Variants in B3GLCT observed in about 807,000 individuals in gnomAD.
B3GLCT encodes beta 3-glucosyltransferase, also known as beta-1,3-glucosyltransferase.
Under a neutral mutation model 63.4 loss-of-function variants are expected in B3GLCT, and 65 were observed. The ratio of observed to expected loss-of-function variants is 1.03; its 90% CI spans 0.84 to 1.26. The LOEUF is 1.26. B3GLCT is among the 50% of genes most tolerant of loss of function. The probability of loss-of-function intolerance (pLI) is 0.00; values close to 1 mark genes in which losing one functional copy is unlikely to be tolerated. For missense variants in B3GLCT, 577 were observed against 604.8 expected (o/e 0.95, Z 0.48); for synonymous variants, 233 against 219.2 (o/e 1.06, Z -0.55).
intron 12 of B3GLCT, among the ~76,000 whole-genome samples, chr13:31,300,314 G>A (rs983363699): frequency 2.0e-5 from 3 of 152,104 alleles, no homozygotes; most frequent in African/African-American, 7.2e-5. Flanking sequence ...TTACTAAAGT[G>A]TTCCTCTGAC....
intron 1 of B3GLCT, among the ~76,000 whole-genome samples, chr13:31,209,025 A>G (rs1483626977): frequency 1.3e-5 from 2 of 152,104 alleles, no homozygotes; most frequent in African/African-American, 4.8e-5. Context: ...TATTTCTGCC[A>G]CCAAGTGTGT....
chr13:31,301,421 A>G (rs1350360073), intron 12 of B3GLCT, among the ~76,000 whole-genome samples: 1 of 152,232 alleles, frequency 6.6e-6, no homozygotes, highest in Non-Finnish European at 1.5e-5. Flanking sequence ...GTTTTACAGT[A>G]CTGGATAGGG....
chr13:31,206,394 G>C (rs557398111), intron 1 of B3GLCT, among the ~76,000 whole-genome samples: 1 of 152,116 alleles, frequency 6.6e-6, no homozygotes, highest in Admixed American at 6.5e-5. Context: ...CCATAGGCCC[G>C]GATATAAACT....
chr13:31,266,023 G>A (rs900341542), intron 7 of B3GLCT, among the ~76,000 whole-genome samples: 21 of 151,294 alleles, frequency 1.4e-4, no homozygotes, highest in Non-Finnish European at 3.1e-4. Context: ...TTTTTGAAAC[G>A]GAGTCTCGCT....
chr13:31,297,538 G>T (rs1360135077), intron 12 of B3GLCT, among the ~76,000 whole-genome samples: 5 of 152,256 alleles, frequency 3.3e-5, no homozygotes, highest in Admixed American at 3.3e-4. Context: ...GACCAAAAGT[G>T]TGGAGCAGGG....
intron 6 of B3GLCT, 98 bp from the exon 7 acceptor site, chr13:31,260,848 C>G (rs191623452): frequency 1.7e-6 from 2 of 1,177,556 alleles, no homozygotes; most frequent in East Asian, 4.8e-5. Flanking sequence ...CTTTATCACC[C>G]AAAATATTTA....
At chr13:31,310,296 C>T (rs951760392) in intron 12 of B3GLCT, among the ~76,000 whole-genome samples, 4 of 152,178 alleles carry the variant, frequency 2.6e-5, no homozygotes, top group African/African-American at 9.7e-5. Flanking sequence ...GAGAGCTGTT[C>T]TTGCATTGAA....
intron 4 of B3GLCT, among the ~76,000 whole-genome samples, chr13:31,238,864 A>C (rs1870787673): frequency 6.6e-6 from 1 of 152,232 alleles, no homozygotes; most frequent in Admixed American, 6.5e-5. Flanking sequence ...ATCTGTAGAC[A>C]ACACATGGGG....
At chr13:31,254,961 C>T (rs560811495) in intron 6 of B3GLCT, among the ~76,000 whole-genome samples, 7 of 149,506 alleles carry the variant, frequency 4.7e-5, no homozygotes, top group East Asian at 4.0e-4. Flanking sequence ...CGCTTGAAGC[C>T]GGGAGGCGGA....
At position 31,274,491 on chromosome 13, in the gene B3GLCT, T is replaced by A. The variant is rs368483247; in HGVS notation, c.661-18T>A. 6 of 1,614,068 alleles carry A rather than the reference T, an allele frequency of 3.7e-6. No homozygotes were observed. The Admixed American group carries it at 5.0e-5, about 13-fold the overall frequency. On this transcript the variant is annotated intron_variant, in intron 8 of 14. Transcript: ENST00000343307. The stretch of plus-strand genomic sequence containing the variant: ...GACTGAGTTCTTTCATCACTGCCTG[T>A]CTCCTGTCTCGTGGCAGATTGCCCT...
At position 31,205,578 on chromosome 13, in the gene B3GLCT, C is replaced by T. The variant is rs1033562105; in HGVS notation, c.70+5424C>T. The stretch of plus-strand genomic sequence containing the variant: ...CGTCTAAAAGAAAAAAAAAAGTTGG[C>T]GGGTCTGGCTATATTGCCCAGGCTG... On this transcript the variant is annotated intron_variant, in intron 1 of 14. Coordinates refer to ENST00000343307, the MANE Select transcript of B3GLCT (RefSeq NM_194318.4). 1.1e-4 allele frequency among the ~76,000 whole-genome samples: 16 copies of T among 151,932 alleles called. No homozygotes were observed. In the East Asian group the frequency reaches 1.7e-3, roughly 17 times the overall value.
intron 9 of B3GLCT, among the ~76,000 whole-genome samples, chr13:31,275,984 A>G (rs1482635879): frequency 1.3e-5 from 2 of 152,160 alleles, no homozygotes; most frequent in Admixed American, 6.5e-5. Flanking sequence ...CCCAAATTAT[A>G]CAGGAGTCAT....
At chr13:31,320,654 A>G (rs1331741688) in intron 13 of B3GLCT, among the ~76,000 whole-genome samples, 12 of 152,172 alleles carry the variant, frequency 7.9e-5, no homozygotes, top group African/African-American at 2.7e-4. Context: ...TGCCTTTAGG[A>G]TCAAGTCTGC....
intron 14 of B3GLCT, among the ~76,000 whole-genome samples, chr13:31,325,384 AGG>A (rs1271907124): frequency 1.3e-5 from 2 of 152,212 alleles, no homozygotes; most frequent in East Asian, 3.9e-4. Flanking sequence ...ACGCAATAAA[AGG>A]GGTAATTAAA....
At chr13:31,322,355 C>G (rs957176048) in intron 13 of B3GLCT, among the ~76,000 whole-genome samples, 4 of 152,248 alleles carry the variant, frequency 2.6e-5, no homozygotes, top group Non-Finnish European at 5.9e-5. Context: ...GCACTGTGTT[C>G]TTGGGCAAGT....
chr13:31,315,312 T>C (rs1201439493), intron 12 of B3GLCT, among the ~76,000 whole-genome samples: 1 of 152,190 alleles, frequency 6.6e-6, no homozygotes. Context: ...TTTTGACCAA[T>C]GAAGTCCAGG....
Position 31,284,641 on chromosome 13 carries a change from T to G in B3GLCT, c.851-7T>G. On this transcript the variant is annotated splice_region_variant and splice_polypyrimidine_tract_variant and intron_variant, in intron 10 of 14. Transcript: ENST00000343307. ...GCCAGTGATTGTCACCTCTGTAATT[T>G]TTTCAGTACCTATTGTTAAGCAGAC... The G allele has an allele frequency of 6.6e-7, 1 of 1,521,174 alleles. No individual in the cohort carries two copies. Among genetic ancestry groups the G allele is most frequent in the Non-Finnish European group, 9.1e-7 (1 of 1,095,328 alleles). 94.2% of individuals were successfully genotyped at this position (1,521,174 alleles called of 1,614,324 possible).
At chr13:31,295,194 C>T (rs769866585) in intron 12 of B3GLCT, among the ~76,000 whole-genome samples, 2 of 152,154 alleles carry the variant, frequency 1.3e-5, no homozygotes, top group Non-Finnish European at 2.9e-5. Flanking sequence ...GAAGCTTTGT[C>T]CCAGACGGGC....
At chr13:31,250,131 A>C in intron 6 of B3GLCT, among the ~76,000 whole-genome samples, 1 of 152,094 alleles carries the variant, frequency 6.6e-6, no homozygotes, top group South Asian at 2.1e-4. Flanking sequence ...TATGCTTTTA[A>C]TATATGTGTA....
Sources: allele counts gnomAD v4.1 joint callset (sites outside exome capture counted in the v4.1 genomes callset), GRCh38; gene constraint gnomAD v4.1.1; transcripts MANE v1.5; gene names NCBI Gene and HGNC (gene_info 2026-07-23, HGNC 2026-07-21).